GMPR: variants seen among roughly 807,000 people sequenced by gnomAD.
The protein encoded by GMPR is GMP reductase 1.
GMPR carries 31 observed loss-of-function variants against 38.4 expected under a neutral mutation model. The observed-to-expected ratio is 0.81, with a 90% confidence interval of 0.61 to 1.09. The LOEUF (loss-of-function observed/expected upper bound fraction) is 1.09. Among genes scored for constraint, GMPR ranks in the 50% least tolerant of loss-of-function variants. The probability of loss-of-function intolerance (pLI) is 0.00; values close to 1 mark genes in which losing one functional copy is unlikely to be tolerated. For missense variants in GMPR, 468 were observed against 453.7 expected, an observed-to-expected ratio of 1.03 and a Z score of -0.29; for synonymous variants, 162 against 173.3, an observed-to-expected ratio of 0.93 and a Z score of 0.51.
chr6:16,275,670 A>G (rs1176348046), intron 5 of GMPR, among the ~76,000 whole-genome samples: 1 of 152,208 alleles, frequency 6.6e-6, no homozygotes, highest in Non-Finnish European at 1.5e-5. Context: ...GGCAGGCTGT[A>G]ATAGACAGAC....
At chr6:16,291,193 T>TA in intron 8 of GMPR, among the ~76,000 whole-genome samples, 1 of 152,218 alleles carries the variant, frequency 6.6e-6, no homozygotes, top group Non-Finnish European at 1.5e-5. Context: ...AAGTGGGGCT[T>TA]ACTTCTGCTG....
At chr6:16,249,542 C>T (rs569178453) in intron 2 of GMPR, among the ~76,000 whole-genome samples, 7 of 152,272 alleles carry the variant, frequency 4.6e-5, no homozygotes, top group African/African-American at 1.7e-4. Context: ...AGGCTGGTCT[C>T]AAACTCCTGG....
At position 16,267,139 on chromosome 6, in the gene GMPR, G is replaced by A. The variant is rs1329216176; in HGVS notation, c.466-7276G>A. Reference sequence around the variant, plus strand: ...GGCACTTTGGGAGGCCGAGGTGGGCGGATCACCAGGTCAGGAGATCATGAC... The same window carrying A: ...GGCACTTTGGGAGGCCGAGGTGGGCAGATCACCAGGTCAGGAGATCATGAC... On this transcript the variant is annotated intron_variant, in intron 4 of 8. Coordinates refer to ENST00000259727, the MANE Select transcript of GMPR (RefSeq NM_006877.4). 5.3e-5 allele frequency among the ~76,000 whole-genome samples: 8 copies of A among 152,146 alleles called. No homozygotes were observed. The East Asian group carries it at 9.8e-4, about 19-fold the overall frequency.
At chr6:16,267,193 C>T (rs1232582099) in intron 4 of GMPR, among the ~76,000 whole-genome samples, 1 of 152,172 alleles carries the variant, frequency 6.6e-6, no homozygotes, top group South Asian at 2.1e-4. Flanking sequence ...GAAACCCTAT[C>T]TCTACTAAAA....
At chr6:16,242,238 G>C (rs781515409) in intron 1 of GMPR, among the ~76,000 whole-genome samples, 1 of 152,026 alleles carries the variant, frequency 6.6e-6, no homozygotes, top group Non-Finnish European at 1.5e-5. Context: ...AGCTTTCACC[G>C]TCTGCTACTG....
intron 8 of GMPR, among the ~76,000 whole-genome samples, chr6:16,291,407 A>G (rs1451883465): frequency 6.6e-6 from 1 of 151,782 alleles, no homozygotes; most frequent in Admixed American, 6.6e-5. Context: ...TATTTTTAGT[A>G]AAGATGGGGT....
chr6:16,265,866 G>T (rs1192610797), intron 4 of GMPR, among the ~76,000 whole-genome samples: 1 of 152,188 alleles, frequency 6.6e-6, no homozygotes, highest in Non-Finnish European at 1.5e-5. Context: ...CGCTCTTTGG[G>T]TCCACGCGAC....
intron 1 of GMPR, among the ~76,000 whole-genome samples, chr6:16,240,492 T>C (rs566246679): frequency 1.3e-5 from 2 of 150,788 alleles, no homozygotes; most frequent in South Asian, 4.2e-4. Context: ...ATTTAAAAAA[T>C]TAGGGCAGTG....
intron 1 of GMPR, among the ~76,000 whole-genome samples, chr6:16,239,899 G>T (rs534717890): frequency 1.7e-4 from 26 of 152,344 alleles, no homozygotes; most frequent in African/African-American, 5.5e-4. Context: ...GGAGGACGTA[G>T]GGGAGGAATG....
chr6:16,289,399 T>C (rs990395488), intron 7 of GMPR: 1 of 152,312 alleles, frequency 6.6e-6, no homozygotes, highest in Non-Finnish European at 1.5e-5. Flanking sequence ...GATAACTTTT[T>C]TTCCCACGTT....
In GMPR at chr6:16,238,797, A is replaced by G. The variant is rs1758588423; in HGVS notation, c.87+17A>G. On this transcript the variant is annotated intron_variant, in intron 1 of 8. Coordinates refer to ENST00000259727, the MANE Select transcript of GMPR (RefSeq NM_006877.4). ...CGAGCCGAGGTGGGGGACGTTCGGA[A>G]GTCGCAGTGGGGTGGGATTTTTTTT... 1 of 1,402,602 alleles carries G rather than the reference A, an allele frequency of 7.1e-7. No homozygotes were observed. Among genetic ancestry groups the G allele is most frequent in the Non-Finnish European group, 9.6e-7 (1 of 1,044,490 alleles). The allele number at this position is 1,402,602 out of a possible 1,614,324, so 86.9% of individuals were successfully genotyped here.
At chr6:16,260,763 G>C (rs1759068137) in intron 4 of GMPR, among the ~76,000 whole-genome samples, 1 of 151,956 alleles carries the variant, frequency 6.6e-6, no homozygotes, top group Non-Finnish European at 1.5e-5. Context: ...GCGTGATCAG[G>C]GTGAGGAACG....
chr6:16,285,669 C>A (rs1430296935), intron 6 of GMPR, 124 bp from the exon 7 acceptor site: 2 of 745,396 alleles, frequency 2.7e-6, no homozygotes, highest in Non-Finnish European at 2.4e-6. Flanking sequence ...GGAACTTGGG[C>A]CCGTGGGCTT....
intron 1 of GMPR, 46 bp downstream of exon 1, chr6:16,238,826 G>T: frequency 9.2e-7 from 1 of 1,083,882 alleles, no homozygotes; most frequent in Non-Finnish European, 1.3e-6. Flanking sequence ...TTTTTTTTCC[G>T]GGTGGCGCGG....
At chr6:16,272,126 C>G (rs1017667917) in intron 4 of GMPR, among the ~76,000 whole-genome samples, 3 of 152,138 alleles carry the variant, frequency 2.0e-5, no homozygotes, top group Non-Finnish European at 2.9e-5. Flanking sequence ...GCAGGAGAAT[C>G]ACTTGAACCC....
chr6:16,291,028 AC>A (rs1372102354), intron 8 of GMPR, among the ~76,000 whole-genome samples: 25 of 152,246 alleles, frequency 1.6e-4, no homozygotes, highest in Admixed American at 1.3e-3. Context: ...CTCCTCTTGC[AC>A]AGAAAGCCAT....
At chr6:16,281,217 G>A (rs1004747196) in intron 6 of GMPR, among the ~76,000 whole-genome samples, 5 of 152,156 alleles carry the variant, frequency 3.3e-5, no homozygotes, top group African/African-American at 1.2e-4. Flanking sequence ...TGCAGGTGAG[G>A]CCCAGGAACC....
At chr6:16,277,544 C>G (rs1446052064) in intron 5 of GMPR, among the ~76,000 whole-genome samples, 2 of 152,170 alleles carry the variant, frequency 1.3e-5, no homozygotes, top group African/African-American at 4.8e-5. Flanking sequence ...ATGTGGGTGA[C>G]TCATTCATTC....
chr6:16,255,574 C>T (rs1354849881), intron 4 of GMPR, among the ~76,000 whole-genome samples: 1 of 152,154 alleles, frequency 6.6e-6, no homozygotes, highest in African/African-American at 2.4e-5. Flanking sequence ...TCCTAATTAT[C>T]TGCACCTTAC....
Sources: allele counts gnomAD v4.1 joint callset (sites outside exome capture counted in the v4.1 genomes callset), GRCh38; gene constraint gnomAD v4.1.1; transcripts MANE v1.5; gene names NCBI Gene and HGNC (gene_info 2026-07-23, HGNC 2026-07-21).